Variants in KIRREL1 observed in about 807,000 individuals in gnomAD.
KIRREL1 encodes kirre like nephrin family adhesion molecule 1, also known as kin of IRRE-like protein 1.
A neutral mutation model predicts 83.3 loss-of-function variants in KIRREL1; 25 were observed. The observed-to-expected ratio is 0.30, with a 90% CI of 0.22 to 0.42. The LOEUF (loss-of-function observed/expected upper bound fraction) is 0.42. Ranked by LOEUF, KIRREL1 falls within the 10% of genes least tolerant of loss-of-function variation. The pLI is 1.00. For missense variants in KIRREL1, 812 were observed against 1,032.3 expected, an observed-to-expected ratio of 0.79 and a Z score of 2.92; for synonymous variants, 388 against 410.4, an observed-to-expected ratio of 0.95 and a Z score of 0.66.
chr1:158,064,008 T>C (rs963452735), intron 1 of KIRREL1, among the ~76,000 whole-genome samples: 1 of 152,242 alleles, frequency 6.6e-6, no homozygotes, highest in Non-Finnish European at 1.5e-5. Context: ...ATTTATTACA[T>C]GAATAGATGT....
chr1:158,055,248 C>T (rs956815870), intron 1 of KIRREL1, among the ~76,000 whole-genome samples: 1 of 152,046 alleles, frequency 6.6e-6, no homozygotes, highest in Admixed American at 6.6e-5. Flanking sequence ...GAGGCGGCCT[C>T]CCCAGAGCTC....
intron 10 of KIRREL1, among the ~76,000 whole-genome samples, chr1:158,090,253 TC>T (rs1370471232): frequency 6.6e-6 from 1 of 151,848 alleles, no homozygotes; most frequent in African/African-American, 2.4e-5. Flanking sequence ...CTTCCCTGTC[TC>T]CTCCTCTGGC....
At chr1:158,086,469 G>A (rs1662017171) in intron 4 of KIRREL1, 127 bp from the exon 5 acceptor site, 8 of 810,500 alleles carry the variant, frequency 9.9e-6, no homozygotes, top group Admixed American at 2.6e-5. Flanking sequence ...GGTTGTGGGA[G>A]TGAAGGGGAT....
intron 1 of KIRREL1, among the ~76,000 whole-genome samples, chr1:158,045,212 G>C (rs1042016747): frequency 1.3e-5 from 2 of 152,200 alleles, no homozygotes; most frequent in Non-Finnish European, 2.9e-5. Context: ...CACAAATCAT[G>C]AGGGGCTACA....
At position 158,037,872 on chromosome 1, in the gene KIRREL1, C is replaced by T. The variant is rs114364345; in HGVS notation, c.53-38241C>T. On this transcript the variant is annotated intron_variant, in intron 1 of 14. Transcript: ENST00000359209. ...TTTCCTCCCCAGATTCCTTACTGCCCATTGCAGATTTTGGCCCTCAGGGCA... is the reference window on the plus strand; with the variant it reads ...TTTCCTCCCCAGATTCCTTACTGCCTATTGCAGATTTTGGCCCTCAGGGCA... Among the ~76,000 whole-genome samples the T allele has an allele frequency of 7.1e-3, 1,077 of 152,308 alleles. 12 individuals are homozygous for T. The highest frequency in any genetic ancestry group is 0.025 in the African/African-American group (1,022 of 41,564).
chr1:158,086,896 G>C, intron 5 of KIRREL1, 150 bp downstream of exon 5: 2 of 760,404 alleles, frequency 2.6e-6, no homozygotes, highest in Non-Finnish European at 4.2e-6. Flanking sequence ...TTCATTCCCT[G>C]GATTGAACCA....
At chr1:158,093,817 C>A in intron 13 of KIRREL1, 55 bp downstream of exon 13, 1 of 1,598,108 alleles carries the variant, frequency 6.3e-7, no homozygotes, top group Non-Finnish European at 8.6e-7. Context: ...TGAGGACCAG[C>A]TCCATCCCAG....
At chr1:158,063,692 C>T (rs1358447606) in intron 1 of KIRREL1, among the ~76,000 whole-genome samples, 1 of 152,244 alleles carries the variant, frequency 6.6e-6, no homozygotes, top group African/African-American at 2.4e-5. Flanking sequence ...CCCAACTTCA[C>T]ACTGCTGTCT....
chr1:158,029,640 G>C (rs1220164326), intron 1 of KIRREL1, among the ~76,000 whole-genome samples: 1 of 152,128 alleles, frequency 6.6e-6, no homozygotes, highest in Non-Finnish European at 1.5e-5. Flanking sequence ...ATGAGCACCT[G>C]TAATATAGGA....
At chr1:158,087,631 T>C (rs1412045588) in intron 5 of KIRREL1, 124 bp from the exon 6 acceptor site, 1 of 662,120 alleles carries the variant, frequency 1.5e-6, no homozygotes, top group Non-Finnish European at 2.6e-6. Context: ...CTGGAGCCGA[T>C]ACACTGCAAC....
At chr1:158,068,806 G>C (rs182630287) in intron 1 of KIRREL1, among the ~76,000 whole-genome samples, 645 of 152,248 alleles carry the variant, frequency 4.2e-3, no homozygotes, top group Non-Finnish European at 6.2e-3. Flanking sequence ...ACTGGGGTTG[G>C]GGGGAAAAGA....
At chr1:158,007,421 C>T (rs897923142) in intron 1 of KIRREL1, among the ~76,000 whole-genome samples, 3 of 151,980 alleles carry the variant, frequency 2.0e-5, no homozygotes, top group Admixed American at 6.6e-5. Context: ...GGGGTGGGGC[C>T]GGAAGGAGGT....
chr1:158,060,726 T>G (rs1426353496), intron 1 of KIRREL1, among the ~76,000 whole-genome samples: 1 of 152,126 alleles, frequency 6.6e-6, no homozygotes, highest in Non-Finnish European at 1.5e-5. Flanking sequence ...GCAAGTGATT[T>G]TGTAGGAAGA....
At chr1:158,024,602 A>T (rs1213120755) in intron 1 of KIRREL1, among the ~76,000 whole-genome samples, 1 of 152,106 alleles carries the variant, frequency 6.6e-6, no homozygotes, top group African/African-American at 2.4e-5. Flanking sequence ...TTGAACAGGT[A>T]TTGTTAACAG....
At chr1:158,033,309 T>C (rs1414737342) in intron 1 of KIRREL1, among the ~76,000 whole-genome samples, 1 of 152,120 alleles carries the variant, frequency 6.6e-6, no homozygotes, top group Admixed American at 6.5e-5. Flanking sequence ...TGACCTCAGG[T>C]GATCCACTCG....
intron 10 of KIRREL1, among the ~76,000 whole-genome samples, chr1:158,090,333 G>T (rs1203172545): frequency 1.3e-5 from 2 of 151,456 alleles, no homozygotes; most frequent in African/African-American, 2.4e-5. Flanking sequence ...CCCTCCTCCT[G>T]CCTTCCTCCT....
chr1:158,080,649 A>C (rs1405861678), intron 3 of KIRREL1, among the ~76,000 whole-genome samples: 2 of 152,102 alleles, frequency 1.3e-5, no homozygotes, highest in Non-Finnish European at 2.9e-5. Context: ...CGCCTGGGCA[A>C]ACACCTGGGC....
intron 1 of KIRREL1, among the ~76,000 whole-genome samples, chr1:158,074,485 A>G (rs1235255944): frequency 6.6e-6 from 1 of 152,238 alleles, no homozygotes; most frequent in African/African-American, 2.4e-5. Flanking sequence ...AGATGTTGGC[A>G]TTCTGCTGGA....
At chr1:158,016,197 A>C (rs1659820125) in intron 1 of KIRREL1, among the ~76,000 whole-genome samples, 1 of 152,016 alleles carries the variant, frequency 6.6e-6, no homozygotes, top group Non-Finnish European at 1.5e-5. Flanking sequence ...CCAGCTACTC[A>C]GGAGGCCGAG....
Sources: gnomAD v4.1 joint callset for allele counts (sites outside exome capture counted in the v4.1 genomes callset) on GRCh38, gnomAD v4.1.1 for gene constraint, MANE v1.5 for transcripts, NCBI Gene and HGNC (gene_info 2026-07-23, HGNC 2026-07-21) for gene names.